CDH13: variants seen among roughly 807,000 people sequenced by gnomAD.
CDH13 encodes the protein cadherin 13, also known as cadherin-13.
Under a neutral mutation model 63.8 loss-of-function variants are expected in CDH13, and 24 were observed. That is an observed-to-expected ratio of 0.38 (90% CI 0.27 to 0.53). CDH13 has a LOEUF of 0.53. Among genes scored for constraint, CDH13 ranks in the 20% least tolerant of loss-of-function variants. The pLI, the probability that CDH13 is intolerant of heterozygous loss-of-function variation, is 0.85. For synonymous variants in CDH13, 503 were observed against 355.3 expected (o/e 1.42, Z -4.67); for missense variants, 1,049 against 903.1 (o/e 1.16, Z -2.07).
rs114248669 is a variant in CDH13, at chr16:83,378,151, A to G, written c.781+33145A>G. Among the ~76,000 whole-genome samples the G allele has an allele frequency of 4.8e-3, 732 of 152,330 alleles. 9 individuals are homozygous for G. Among genetic ancestry groups the G allele is most frequent in the African/African-American group, 0.017 (710 of 41,574 alleles). ...TCACCATCATCACTACGATTTATCC[A>G]GCCTTTGCTCTATGGTAGATGCTGT... is the stretch of plus-strand genomic sequence containing the variant. On this transcript the variant is annotated intron_variant, in intron 6 of 13. Transcript: ENST00000567109.
Position 82,926,573 on chromosome 16 carries a change from T to C in CDH13, c.157+68100T>C, listed in dbSNP as rs904091626. 1.2e-4 allele frequency among the ~76,000 whole-genome samples: 19 copies of C among 152,220 alleles called. 1 individual carries two copies. The highest frequency in any genetic ancestry group is 4.4e-5 in the Non-Finnish European group (3 of 68,034). ...CTTGATGGCATTTTAGGCTTGACTT[T>C]CTCTAGAAGTCTTCACTAGATTCCT... is the stretch of plus-strand genomic sequence containing the variant. On this transcript the variant is annotated intron_variant, in intron 2 of 13. Transcript: ENST00000567109.
chr16:83,300,714 T>C (rs1458664663), intron 5 of CDH13, among the ~76,000 whole-genome samples: 2 of 152,242 alleles, frequency 1.3e-5, no homozygotes, highest in African/African-American at 4.8e-5. Context: ...CAAACTTTAA[T>C]ATTTTCTAAT....
At chr16:83,494,253 C>A (rs1598150211) in intron 7 of CDH13, among the ~76,000 whole-genome samples, 3 of 151,712 alleles carry the variant, frequency 2.0e-5, no homozygotes, top group African/African-American at 7.3e-5. Context: ...TATGAAGTAC[C>A]CTAAAAAGCT....
intron 7 of CDH13, among the ~76,000 whole-genome samples, chr16:83,541,546 TG>T (rs1344796217): frequency 6.6e-6 from 1 of 152,194 alleles, no homozygotes. Context: ...AAACAGACAA[TG>T]GAATTTGGTA....
intron 3 of CDH13, among the ~76,000 whole-genome samples, chr16:83,068,469 A>C (rs2032189717): frequency 6.6e-6 from 1 of 152,154 alleles, no homozygotes; most frequent in Non-Finnish European, 1.5e-5. Context: ...GGTTTGGCGA[A>C]TGTTGAGCAA....
chr16:83,175,821 C>CTTT (rs762355886), intron 4 of CDH13, among the ~76,000 whole-genome samples: 635 of 89,970 alleles, frequency 7.1e-3, no homozygotes, highest in East Asian at 0.011. Context: ...TTTCAACCTG[C>CTTT]TTTTTTTTTT....
At chr16:82,970,870 G>A (rs1318388617) in intron 2 of CDH13, among the ~76,000 whole-genome samples, 1 of 152,120 alleles carries the variant, frequency 6.6e-6, no homozygotes, top group Non-Finnish European at 1.5e-5. Flanking sequence ...ATTATTGCAA[G>A]AGCACTTTTT....
intron 1 of CDH13, among the ~76,000 whole-genome samples, chr16:82,697,522 G>A (rs896712523): frequency 9.4e-5 from 14 of 148,690 alleles, no homozygotes; most frequent in South Asian, 2.1e-4. Context: ...CTCTGCCTCC[G>A]GGTTCAAGCA....
intron 5 of CDH13, among the ~76,000 whole-genome samples, chr16:83,259,400 C>T (rs995766861): frequency 2.6e-5 from 4 of 152,104 alleles, no homozygotes; most frequent in African/African-American, 7.2e-5. Context: ...GTCTCCTGAG[C>T]GTGGGGAGAA....
At chr16:83,201,627 G>T (rs2039031899) in intron 4 of CDH13, among the ~76,000 whole-genome samples, 1 of 152,094 alleles carries the variant, frequency 6.6e-6, no homozygotes, top group South Asian at 2.1e-4. Context: ...GCTGGGCACG[G>T]TGGCTCACGC....
chr16:82,786,220 T>C (rs1285367842), intron 1 of CDH13, among the ~76,000 whole-genome samples: 6 of 152,182 alleles, frequency 3.9e-5, no homozygotes, highest in Non-Finnish European at 8.8e-5. Flanking sequence ...GAATTGCACA[T>C]ACTGACATAT....
At chr16:83,323,720 A>G (rs1284634492) in intron 5 of CDH13, among the ~76,000 whole-genome samples, 1 of 152,202 alleles carries the variant, frequency 6.6e-6, no homozygotes, top group Non-Finnish European at 1.5e-5. Flanking sequence ...ATTCCATACA[A>G]AAAGTGACCA....
chr16:83,593,234 A>G (rs531482350), intron 7 of CDH13, among the ~76,000 whole-genome samples: 45 of 152,366 alleles, frequency 3.0e-4, no homozygotes, highest in African/African-American at 1.1e-3. Flanking sequence ...GAATTCCATT[A>G]CATCTTTGCT....
intron 6 of CDH13, among the ~76,000 whole-genome samples, chr16:83,368,354 C>G (rs867774746): frequency 7.9e-5 from 12 of 152,152 alleles, no homozygotes; most frequent in African/African-American, 2.7e-4. Context: ...ACCTTTCTAA[C>G]GTGTGAACTA....
At chr16:83,660,494 G>A (rs990707366) in intron 8 of CDH13, among the ~76,000 whole-genome samples, 7 of 152,274 alleles carry the variant, frequency 4.6e-5, no homozygotes, top group East Asian at 1.9e-4. Flanking sequence ...GGGAGCAGCC[G>A]TAAATACAGA....
intron 1 of CDH13, among the ~76,000 whole-genome samples, chr16:82,788,376 G>A (rs1037786890): frequency 2.6e-5 from 4 of 152,142 alleles, no homozygotes; most frequent in African/African-American, 4.8e-5. Context: ...AGCCATGCAG[G>A]CCTCCTGGAC....
intron 1 of CDH13, among the ~76,000 whole-genome samples, chr16:82,669,887 T>C (rs1913035136): frequency 1.3e-5 from 2 of 152,206 alleles, no homozygotes; most frequent in South Asian, 2.1e-4. Flanking sequence ...GTGCTAAATA[T>C]TTCTCCTGGC....
At chr16:82,806,866 A>C (rs996779275) in intron 1 of CDH13, among the ~76,000 whole-genome samples, 1 of 152,208 alleles carries the variant, frequency 6.6e-6, no homozygotes, top group Non-Finnish European at 1.5e-5. Flanking sequence ...TGAGAAATAC[A>C]GTGTAAAAGG....
At chr16:83,706,246 G>A (rs1346231050) in intron 10 of CDH13, among the ~76,000 whole-genome samples, 1 of 152,180 alleles carries the variant, frequency 6.6e-6, no homozygotes, top group Non-Finnish European at 1.5e-5. Flanking sequence ...GGTTCCAAAG[G>A]TGAGCATCCC....
Sources: allele counts gnomAD v4.1 joint callset (sites outside exome capture counted in the v4.1 genomes callset), GRCh38; gene constraint gnomAD v4.1.1; transcripts MANE v1.5; gene names NCBI Gene and HGNC (gene_info 2026-07-23, HGNC 2026-07-21).